Variants in ANKRD36C observed in about 807,000 individuals in gnomAD.
ANKRD36C encodes ankyrin repeat domain 36C.
A neutral mutation model predicts 276.4 loss-of-function variants in ANKRD36C; 61 were observed. That is an observed-to-expected ratio of 0.22 (90% confidence interval 0.18 to 0.27). The LOEUF (loss-of-function observed/expected upper bound fraction) is 0.27. Among genes scored for constraint, ANKRD36C ranks in the 10% least tolerant of loss-of-function variants. The pLI is 1.00. For missense variants in ANKRD36C, 1,447 were observed against 2,032.3 expected (o/e 0.71, Z 5.54); for synonymous variants, 483 against 680.1 (o/e 0.71, Z 4.51).
chr2:95,962,877 C>G (rs530988829), intron 6 of ANKRD36C, among the ~76,000 whole-genome samples: 1 of 151,952 alleles, frequency 6.6e-6, no homozygotes, highest in Non-Finnish European at 1.5e-5. Flanking sequence ...ACTCATGCAC[C>G]TGCGAATCAA....
At chr2:95,950,887 A>G in intron 15 of ANKRD36C, 108 bp from the exon 16 acceptor site, 1 of 1,125,250 alleles carries the variant, frequency 8.9e-7, no homozygotes, top group Non-Finnish European at 1.2e-6. Context: ...AGCTACTCAG[A>G]AGGCTGAGGC....
intron 40 of ANKRD36C, 30 bp downstream of exon 42, chr2:95,914,078 T>A (rs777115379): frequency 8.5e-6 from 13 of 1,533,676 alleles, no homozygotes; most frequent in African/African-American, 8.2e-5. Flanking sequence ...TCTCGACTGA[T>A]CATGACATTA....
exon 64 of ANKRD36C, chr2:95,853,827 T>C (rs1675346636): frequency 1.2e-6 from 2 of 1,608,954 alleles, no homozygotes; most frequent in Non-Finnish European, 1.7e-6. Flanking sequence ...GTTTAAGACA[T>C]CATCTTGTTT....
exon 7 of ANKRD36C, chr2:95,962,534 T>C (rs558275482): frequency 3.2e-4 from 507 of 1,600,782 alleles, no homozygotes; most frequent in Non-Finnish European, 4.1e-4. Context: ...AGGCTGGTTG[T>C]TTCTGAGAAG....
chr2:95,912,349 G>A (rs1344335650), intron 41 of ANKRD36C, 33 bp from the exon 44 acceptor site: 1 of 1,600,148 alleles, frequency 6.2e-7, no homozygotes. Flanking sequence ...TAATAAATAA[G>A]GTATGTTTCA....
chr2:95,880,206 AAAAACAAAAC>A (rs1225833241), intron 58 of ANKRD36C, among the ~76,000 whole-genome samples: 1 of 152,090 alleles, frequency 6.6e-6, no homozygotes, highest in Non-Finnish European at 1.5e-5. Context: ...AAACAAAACA[AAAAACAAAAC>A]AAAACAAAAA....
At chr2:95,973,302 C>T (rs990427222) in intron 6 of ANKRD36C, among the ~76,000 whole-genome samples, 2 of 151,934 alleles carry the variant, frequency 1.3e-5, no homozygotes, top group African/African-American at 4.8e-5. Context: ...GTCCCAACTA[C>T]TTGGGAGGCT....
chr2:95,908,851 A>T (rs553710413), intron 42 of ANKRD36C, among the ~76,000 whole-genome samples, 154 bp from the exon 47 acceptor site: 348 of 151,404 alleles, frequency 2.3e-3, no homozygotes, highest in South Asian at 8.8e-3. Flanking sequence ...AGAACATGAC[A>T]GAAATACGCT....
intron 60 of ANKRD36C, among the ~76,000 whole-genome samples, chr2:95,865,726 T>C (rs1675671245): frequency 6.6e-6 from 1 of 152,140 alleles, no homozygotes; most frequent in African/African-American, 2.4e-5. Context: ...ATTTTTCCAC[T>C]GTGGTGTCTG....
At chr2:95,879,230 T>C (rs1294216696) in intron 58 of ANKRD36C, among the ~76,000 whole-genome samples, 4 of 152,150 alleles carry the variant, frequency 2.6e-5, no homozygotes, top group Non-Finnish European at 5.9e-5. Flanking sequence ...GTCAGTCCTT[T>C]GTGGGTGTGA....
chr2:95,915,638 G>A (rs927813675), intron 38 of ANKRD36C, among the ~76,000 whole-genome samples: 2 of 151,388 alleles, frequency 1.3e-5, no homozygotes, highest in Admixed American at 6.6e-5. Flanking sequence ...ATGATGTGAC[G>A]TCTGTAAAAT....
At chr2:95,852,218 A>C in intron 64 of ANKRD36C, 22 bp from the exon 85 acceptor site, 1 of 1,577,952 alleles carries the variant, frequency 6.3e-7, no homozygotes. Context: ...AATTTTAAAA[A>C]ATTACATTTG....
At chr2:95,910,023 G>A (rs572699521) in intron 42 of ANKRD36C, among the ~76,000 whole-genome samples, 1 of 151,416 alleles carries the variant, frequency 6.6e-6, no homozygotes, top group African/African-American at 2.4e-5. Flanking sequence ...GCAGTACGAT[G>A]TGACGTCTGT....
intron 32 of ANKRD36C, 23 bp downstream of exon 32, chr2:95,923,472 T>C (rs1224680952): frequency 1.2e-6 from 2 of 1,608,946 alleles, no homozygotes; most frequent in Non-Finnish European, 1.7e-6. Context: ...GAACATGACA[T>C]TTAATGTGTT....
At chr2:95,896,929 G>A (rs1477915181) in intron 44 of ANKRD36C, among the ~76,000 whole-genome samples, 1 of 147,894 alleles carries the variant, frequency 6.8e-6, no homozygotes, top group Admixed American at 6.7e-5. Context: ...TCTGAAGTGT[G>A]TAAATTCTAT....
At chr2:95,968,856 G>A (rs562671981) in intron 6 of ANKRD36C, among the ~76,000 whole-genome samples, 5 of 152,154 alleles carry the variant, frequency 3.3e-5, no homozygotes, top group African/African-American at 9.7e-5. Context: ...GTGGCTCAGA[G>A]AACTCATGGA....
rs1475848731 is a variant in ANKRD36C, at chr2:95,925,285, A to G, written c.2041+67T>C. On this transcript the variant is annotated intron_variant, in intron 30 of 66. Transcript: ENST00000456556. ...ATTTTCAATGACACTCCACTGATCTATTCAGGGGTGGGACGTTCTCTTCTG... is the reference window on the plus strand; with the variant it reads ...ATTTTCAATGACACTCCACTGATCTGTTCAGGGGTGGGACGTTCTCTTCTG... The G allele has an allele frequency of 7.1e-6, 11 of 1,543,966 alleles. No individual in the cohort carries two copies. In the Admixed American group the frequency reaches 1.2e-4, roughly 17 times the overall value.
rs529932496 is a variant in ANKRD36C at position 95,874,190 on chromosome 2, T to C, written c.3540+2249A>G. On this transcript the variant is annotated intron_variant, in intron 59 of 66. Transcript: ENST00000456556. ...TTGGAAAAAACTGCTTTAAAGTTCA[T>C]ATGGAACCAAAAAAGAGCCCGCATC... Among the ~76,000 whole-genome samples, 98 of 152,242 alleles carry C rather than the reference T, an allele frequency of 6.4e-4. 1 individual carries two copies. The highest frequency in any genetic ancestry group is 2.3e-3 in the African/African-American group (95 of 41,520).
At chr2:95,965,833 T>C (rs2438933) in intron 6 of ANKRD36C, among the ~76,000 whole-genome samples, 2 of 152,140 alleles carry the variant, frequency 1.3e-5, no homozygotes, top group African/African-American at 4.8e-5. Context: ...TCATTGTGTG[T>C]ACTGTCTGAA....
Sources: gnomAD v4.1 joint callset for allele counts (sites outside exome capture counted in the v4.1 genomes callset) on GRCh38, gnomAD v4.1.1 for gene constraint, MANE v1.5 for transcripts, NCBI Gene and HGNC (gene_info 2026-07-23, HGNC 2026-07-21) for gene names.